The following PRPF4 variants were observed in gnomAD, a reference collection of about 807,000 sequenced individuals.
The protein encoded by PRPF4 is pre-mRNA splicing tri-snRNP complex factor PRPF4.
A neutral mutation model predicts 72.2 loss-of-function variants in PRPF4; 14 were observed. The observed-to-expected ratio is 0.19, with a 90% CI of 0.13 to 0.30. The LOEUF (loss-of-function observed/expected upper bound fraction) is 0.30. Ranked by LOEUF, PRPF4 falls within the 10% of genes least tolerant of loss-of-function variation. The pLI, the probability that PRPF4 is intolerant of heterozygous loss-of-function variation, is 1.00. For missense variants in PRPF4, 478 were observed against 653.9 expected (o/e 0.73, Z 2.93); for synonymous variants, 225 against 232.2 (o/e 0.97, Z 0.28).
At chr9:113,276,054 A>G (rs775961254) in intron 1 of PRPF4, among the ~76,000 whole-genome samples, 56 of 152,232 alleles carry the variant, frequency 3.7e-4, no homozygotes, top group Non-Finnish European at 8.8e-5. Context: ...TGTCTTGGCC[A>G]AGGTTTATGC....
At position 113,290,921 on chromosome 9, in the gene PRPF4, G is replaced by C. The variant is rs1832591360; in HGVS notation, c.1277G>C (p.Gly426Ala). The C allele has an allele frequency of 1.2e-6, 2 of 1,614,174 alleles. No individual in the cohort carries two copies. Among genetic ancestry groups the C allele is most frequent in the Non-Finnish European group, 1.7e-6 (2 of 1,180,046 alleles). The change falls in exon 13 of 14, where the codon GGT becomes GCT. Residue 426 changes from glycine (G) to alanine (A), a missense_variant. By Grantham distance (60) the Gly-to-Ala change is moderately conservative (BLOSUM62 0). Coordinates refer to ENST00000374198, the MANE Select transcript of PRPF4 (RefSeq NM_001244926.2). The stretch of plus-strand genomic sequence containing the variant: ...AGCTATCACATTGCAACCGGCAGTG[G>C]TGACAACACCTGCAAAGTGTGGGAC... Reference protein sequence around the residue: ...PNGYHIATGSGDNTCKVWDLR... With the variant: ...PNGYHIATGSADNTCKVWDLR...
intron 10 of PRPF4, 79 bp downstream of exon 10, chr9:113,288,343 T>C: frequency 7.5e-7 from 1 of 1,330,010 alleles, no homozygotes; most frequent in Non-Finnish European, 1.1e-6. Context: ...GCCAGGTAAA[T>C]TTTTAGAGCA....
At chr9:113,276,960 G>A (rs911793612) in intron 2 of PRPF4, among the ~76,000 whole-genome samples, 15 of 151,898 alleles carry the variant, frequency 9.9e-5, no homozygotes, top group East Asian at 3.9e-4. Context: ...GATTACAGGC[G>A]CACACCACCA....
chr9:113,284,121 A>G lies in PRPF4; in HGVS notation c.655-174A>G, dbSNP rs148042775. 4.3e-4 allele frequency among the ~76,000 whole-genome samples: 65 copies of G among 152,060 alleles called. No individual in the cohort carries two copies. In the East Asian group the frequency reaches 0.011, roughly 25 times the overall value. ...AAACAGCATGCTGGAGTTTCATATA[A>G]CTTCATTTATCAATGTATGTGTCTT... On this transcript the variant is annotated intron_variant, in intron 6 of 13. Coordinates refer to ENST00000374198, the MANE Select transcript of PRPF4 (RefSeq NM_001244926.2).
At chr9:113,285,610 C>T (rs542750207) in intron 7 of PRPF4, among the ~76,000 whole-genome samples, 1 of 151,636 alleles carries the variant, frequency 6.6e-6, no homozygotes, top group African/African-American at 2.4e-5. Context: ...GATCTCCTGA[C>T]CTTGTGATCT....
chr9:113,276,217 TA>T (rs1212039198), intron 1 of PRPF4, among the ~76,000 whole-genome samples: 1 of 152,232 alleles, frequency 6.6e-6, no homozygotes, highest in Non-Finnish European at 1.5e-5. Flanking sequence ...TCCCCAGTGA[TA>T]AGCAGTAATC....
intron 4 of PRPF4, 151 bp from the exon 5 acceptor site, chr9:113,282,980 GA>G (rs141933796): frequency 7.1e-7 from 1 of 1,416,394 alleles, no homozygotes; most frequent in Non-Finnish European, 9.5e-7. Context: ...ACATATCATA[GA>G]AAAAAATTCA....
intron 6 of PRPF4, 111 bp downstream of exon 6, chr9:113,283,593 C>A: frequency 1.9e-6 from 2 of 1,059,478 alleles, no homozygotes; most frequent in Non-Finnish European, 2.7e-6. Context: ...TGATTCCTCC[C>A]TGCTTAAGTT....
intron 9 of PRPF4, 65 bp from the exon 10 acceptor site, chr9:113,288,110 A>G: frequency 6.8e-7 from 1 of 1,476,034 alleles, no homozygotes; most frequent in South Asian, 1.2e-5. Flanking sequence ...TCTGCACAGA[A>G]GGTAAGCAGT....
intron 2 of PRPF4, among the ~76,000 whole-genome samples, chr9:113,278,072 TTCTG>T (rs1435600052): frequency 6.6e-6 from 1 of 152,248 alleles, no homozygotes; most frequent in African/African-American, 2.4e-5. Flanking sequence ...TTGTATATCT[TTCTG>T]AGAATTTTAA....
chr9:113,286,792 C>T lies in PRPF4; in HGVS notation c.896C>T (p.Ala299Val), dbSNP rs575911571. 15 of 1,614,098 alleles carry T rather than the reference C, an allele frequency of 9.3e-6. No homozygotes were observed. The highest frequency in any genetic ancestry group is 6.7e-5 in the East Asian group (3 of 44,882). Residue 299 changes from alanine to valine, a missense_variant, in exon 9 of 14, where the codon GCG (alanine) becomes GTG (valine). Transcript: ENST00000374198. ...DPKDVNLASC[A>V]ADGSVKLWSL... ...AAAGATGTCAACCTGGCCTCTTGTG[C>T]GGCTGATGGCTCTGTGAAGCTTTGG... is the stretch of plus-strand genomic sequence containing the variant.
intron 7 of PRPF4, 23 bp downstream of exon 7, chr9:113,284,412 AT>A (rs775556764): frequency 1.5e-5 from 23 of 1,565,534 alleles, no homozygotes; most frequent in Non-Finnish European, 1.8e-5. Context: ...TTACAATGAC[AT>A]TTTTTCCTAA....
chr9:113,278,120 T>G (rs1012801719), intron 2 of PRPF4, among the ~76,000 whole-genome samples: 2 of 152,238 alleles, frequency 1.3e-5, no homozygotes, highest in African/African-American at 4.8e-5. Flanking sequence ...TTTCCATAAA[T>G]GAAAACACAA....
chr9:113,286,857 T>C (rs1832463789), intron 9 of PRPF4, 29 bp downstream of exon 9: 12 of 1,613,724 alleles, frequency 7.4e-6, no homozygotes, highest in South Asian at 2.2e-5. Flanking sequence ...TGGCCCATAC[T>C]GCCATCACTA....
chr9:113,288,238 T>A lies in PRPF4; in HGVS notation c.996T>A (p.Pro332=), dbSNP rs987589298. 2.8e-5 allele frequency: 46 copies of A among 1,614,126 alleles called. No individual in the cohort carries two copies. Among genetic ancestry groups the A allele is most frequent in the Non-Finnish European group, 3.5e-5 (41 of 1,180,046 alleles). Reference sequence around the variant, plus strand: ...GTGTGGCGCGGGTAATGTGGCATCCTTCAGGACGTTTCCTGGGCACCACCT... The same window carrying A: ...GTGTGGCGCGGGTAATGTGGCATCCATCAGGACGTTTCCTGGGCACCACCT... ...TVRVARVMWH[P]SGRFLGTTCY... is the part of the protein sequence containing the mutation. The change falls in exon 10 of 14, where the codon CCT becomes CCA. Residue 332 remains proline, a synonymous_variant. Coordinates refer to ENST00000374198, the MANE Select transcript of PRPF4 (RefSeq NM_001244926.2).
At chr9:113,282,954 G>A (rs1832325713) in intron 4 of PRPF4, 178 bp from the exon 5 acceptor site, 1 of 1,204,806 alleles carries the variant, frequency 8.3e-7, no homozygotes, top group African/African-American at 1.5e-5. Flanking sequence ...GGCATTCCTG[G>A]TATAACCATG....
chr9:113,284,431 A>G, intron 7 of PRPF4, 42 bp downstream of exon 7: 2 of 1,504,912 alleles, frequency 1.3e-6, no homozygotes, highest in Non-Finnish European at 1.8e-6. Context: ...TAAATGGGGA[A>G]CAGGCTCAGG....
At position 113,276,733 on chromosome 9, in the gene PRPF4, G is replaced by A; in HGVS notation, c.205+8G>A. ...ATATTAATATAACCTCTGGTAAGAT[G>A]CAAATTGTGAGCCCATCTTTACCTC... On this transcript the variant is annotated splice_region_variant and intron_variant, in intron 2 of 13. Coordinates refer to ENST00000374198, the MANE Select transcript of PRPF4 (RefSeq NM_001244926.2). The A allele has an allele frequency of 6.3e-7, 1 of 1,599,826 alleles. No individual in the cohort carries two copies. The highest frequency in any genetic ancestry group is 8.5e-7 in the Non-Finnish European group (1 of 1,172,482).
At position 113,276,742 on chromosome 9, in the gene PRPF4, G is replaced by C. The variant is rs1832111087; in HGVS notation, c.205+17G>C. On this transcript the variant is annotated intron_variant, in intron 2 of 13. Coordinates refer to ENST00000374198, the MANE Select transcript of PRPF4 (RefSeq NM_001244926.2). ...TAACCTCTGGTAAGATGCAAATTGT[G>C]AGCCCATCTTTACCTCTTTGTGTAA... 2.5e-6 allele frequency: 4 copies of C among 1,594,928 alleles called. No individual in the cohort carries two copies. In the South Asian group the frequency reaches 4.5e-5, roughly 18 times the overall value.
Sources: gnomAD v4.1 joint callset for allele counts (sites outside exome capture counted in the v4.1 genomes callset) on GRCh38, gnomAD v4.1.1 for gene constraint, MANE v1.5 for transcripts, NCBI Gene and HGNC (gene_info 2026-07-23, HGNC 2026-07-21) for gene names.